The following UNC5B variants were observed in gnomAD, a reference collection of about 807,000 sequenced individuals.
UNC5B encodes the protein unc-5 netrin receptor B.
UNC5B carries 56 observed loss-of-function variants against 103.7 expected under a neutral mutation model. That is an observed-to-expected ratio of 0.54 (90% confidence interval 0.44 to 0.67). The LOEUF (loss-of-function observed/expected upper bound fraction) is 0.67. Among genes scored for constraint, UNC5B ranks in the 30% least tolerant of loss-of-function variants. The pLI, the probability that UNC5B is intolerant of heterozygous loss-of-function variation, is 0.00. For synonymous variants in UNC5B, 577 were observed against 542.0 expected (o/e 1.06, Z -0.90); for missense variants, 1,194 against 1,284.5 (o/e 0.93, Z 1.08).
intron 1 of UNC5B, among the ~76,000 whole-genome samples, chr10:71,277,396 T>C (rs1273927371): frequency 6.6e-6 from 1 of 152,244 alleles, no homozygotes. Context: ...GGCAGAGCTC[T>C]GTCCCACACC....
chr10:71,291,264 A>G (rs2132310562), intron 9 of UNC5B, among the ~76,000 whole-genome samples, 155 bp downstream of exon 9: 1 of 152,248 alleles, frequency 6.6e-6, no homozygotes, highest in South Asian at 2.1e-4. Flanking sequence ...GGATTAGAGA[A>G]CTACCGAGAA....
chr10:71,291,295 G>A (rs761202523), intron 9 of UNC5B, 137 bp from the exon 10 acceptor site: 39 of 1,404,234 alleles, frequency 2.8e-5, no homozygotes, highest in Admixed American at 1.1e-4. Context: ...GACCCAGGCT[G>A]CGGGATTCCC....
intron 1 of UNC5B, among the ~76,000 whole-genome samples, chr10:71,257,317 A>G (rs1844312892): frequency 1.3e-5 from 2 of 152,218 alleles, no homozygotes; most frequent in Non-Finnish European, 2.9e-5. Context: ...TCAAAGGGTA[A>G]GTGGGAGGTA....
At chr10:71,235,846 A>T (rs552708036) in intron 1 of UNC5B, among the ~76,000 whole-genome samples, 3 of 152,364 alleles carry the variant, frequency 2.0e-5, no homozygotes, top group East Asian at 1.9e-4. Context: ...ACCTGGTCGC[A>T]TCTGGGCCAT....
chr10:71,259,111 C>G (rs371895880), intron 1 of UNC5B, among the ~76,000 whole-genome samples: 2 of 152,158 alleles, frequency 1.3e-5, no homozygotes, highest in South Asian at 2.1e-4. Flanking sequence ...ATGACTGGGC[C>G]GGGTGCAGTG....
intron 1 of UNC5B, among the ~76,000 whole-genome samples, chr10:71,263,312 G>T (rs1270616485): frequency 6.6e-6 from 1 of 152,190 alleles, no homozygotes; most frequent in Admixed American, 6.5e-5. Context: ...TGTCCAAAGG[G>T]AGGCCCCTTC....
chr10:71,221,220 C>T (rs1051465389), intron 1 of UNC5B, among the ~76,000 whole-genome samples: 4 of 152,190 alleles, frequency 2.6e-5, no homozygotes, highest in Admixed American at 6.5e-5. Flanking sequence ...TAAGCATTTC[C>T]TGCTTCAGAA....
At chr10:71,293,340 C>T in intron 11 of UNC5B, 65 bp from the exon 12 acceptor site, 1 of 1,531,012 alleles carries the variant, frequency 6.5e-7, no homozygotes, top group Non-Finnish European at 8.8e-7. Flanking sequence ...CTTGGGAGCC[C>T]AGCAGGAGCC....
intron 1 of UNC5B, among the ~76,000 whole-genome samples, chr10:71,276,192 C>G (rs1318477629): frequency 6.6e-6 from 1 of 151,532 alleles, no homozygotes; most frequent in African/African-American, 2.4e-5. Flanking sequence ...AAAAAAATTA[C>G]TGAGGCACTA....
At chr10:71,222,843 C>G (rs1843478486) in intron 1 of UNC5B, among the ~76,000 whole-genome samples, 1 of 152,258 alleles carries the variant, frequency 6.6e-6, no homozygotes, top group African/African-American at 2.4e-5. Context: ...CAAAGGAAAG[C>G]AGCTCTGTAA....
At chr10:71,281,096 G>T (rs1844915045) in intron 2 of UNC5B, among the ~76,000 whole-genome samples, 1 of 151,456 alleles carries the variant, frequency 6.6e-6, no homozygotes, top group African/African-American at 2.4e-5. Context: ...TCCCTGACAT[G>T]CTGTCTCACT....
chr10:71,282,097 C>T (rs150151608), intron 2 of UNC5B, among the ~76,000 whole-genome samples: 268 of 152,372 alleles, frequency 1.8e-3, no homozygotes, highest in Middle Eastern at 6.8e-3. Context: ...TGCCACCAGG[C>T]ACACAGGCCC....
intron 2 of UNC5B, among the ~76,000 whole-genome samples, chr10:71,283,884 A>C (rs1210174922): frequency 6.6e-6 from 1 of 152,182 alleles, no homozygotes; most frequent in Non-Finnish European, 1.5e-5. Context: ...ACAGGGCCTG[A>C]GTAGTGACCA....
rs201631634 is a variant in UNC5B, at chr10:71,296,690, G to A, written c.2438G>A (p.Arg813Gln). ...STELTCKICV[R>Q]QVEGEGQIFQ... ...GAGCTCACCTGCAAGATCTGCGTGC[G>A]GCAAGTGGAAGGGGAGGGCCAGATA... Residue 813 changes from arginine (R) to glutamine (Q), a missense_variant, in exon 15 of 17, where the codon CGG becomes CAG. By Grantham distance (43) the Arg-to-Gln change is conservative. Coordinates refer to ENST00000335350, the MANE Select transcript of UNC5B (RefSeq NM_170744.5). 50 of 1,614,168 alleles carry A rather than the reference G, an allele frequency of 3.1e-5. No homozygotes were observed. Among genetic ancestry groups the A allele is most frequent in the East Asian group, 8.9e-5 (4 of 44,886 alleles).
rs1219393799 is a variant in UNC5B, at chr10:71,302,185, T to C, written c.*2908T>C. On this transcript the variant is annotated 3_prime_UTR_variant, in exon 17 of 17. Transcript: ENST00000335350. ...ACCCAAGAGGTAGCCCCCGAGGGCA[T>C]GTACCTGGTGGGAAGCAGCTCAGGT... The C allele has an allele frequency of 6.6e-6, 1 of 152,210 alleles. No individual in the cohort carries two copies. The highest frequency in any genetic ancestry group is 1.5e-5 in the Non-Finnish European group (1 of 68,056). The allele number at this position is 152,210 out of a possible 1,614,324, so 9.4% of individuals were successfully genotyped here. A position where few individuals can be genotyped will look rare whatever the true frequency, so the allele number is the denominator to read the frequency against.
At chr10:71,289,861 G>A (rs892149507) in intron 8 of UNC5B, among the ~76,000 whole-genome samples, 30 of 152,250 alleles carry the variant, frequency 2.0e-4, no homozygotes, top group African/African-American at 5.8e-4. Flanking sequence ...CCGGGGCTGG[G>A]AGCCATGCCC....
rs148443715 is a variant in UNC5B, at chr10:71,290,994, G to A, written c.1179G>A (p.Ala393=). The A allele has an allele frequency of 2.7e-5, 43 of 1,613,746 alleles. No homozygotes were observed. In the Middle Eastern group the frequency reaches 8.2e-4, roughly 31 times the overall value. ...AIFVVVAILM[A]VGVVVYRRNC... Reference sequence around the variant, plus strand: ...TCGTGGTCGTGGCAATCCTCATGGCGGTGGGGGTGGTGGTGTACCGCCGCA... The same window carrying A: ...TCGTGGTCGTGGCAATCCTCATGGCAGTGGGGGTGGTGGTGTACCGCCGCA... The change falls in exon 9 of 17, where the codon GCG becomes GCA. Residue 393 remains alanine (A), a synonymous_variant. Coordinates refer to ENST00000335350, the MANE Select transcript of UNC5B (RefSeq NM_170744.5).
At position 71,302,051 on chromosome 10, in the gene UNC5B, TC is replaced by T. The variant is rs1221668423; in HGVS notation, c.*2775del. Reference sequence around the variant, plus strand: ...ATTGGCTGGAGCCTCCTGGGAGGGTTCAAACCATCAGCTCTATGAGAAATGC... The same window carrying T: ...ATTGGCTGGAGCCTCCTGGGAGGGTTAAACCATCAGCTCTATGAGAAATGC... On this transcript the variant is annotated 3_prime_UTR_variant, in exon 17 of 17. Coordinates refer to ENST00000335350, the MANE Select transcript of UNC5B (RefSeq NM_170744.5). The T allele has an allele frequency of 1.3e-5, 2 of 152,180 alleles. No individual in the cohort carries two copies. Among genetic ancestry groups the T allele is most frequent in the East Asian group, 1.9e-4 (1 of 5,180 alleles). The allele number at this position is 152,180 out of a possible 1,614,324, so 9.4% of individuals were successfully genotyped here.
In UNC5B at chr10:71,279,876, G is replaced by A. The variant is rs767338352; in HGVS notation, c.135G>A (p.Glu45=). The A allele has an allele frequency of 1.2e-6, 2 of 1,613,938 alleles. No individual in the cohort carries two copies. The highest frequency in any genetic ancestry group is 1.7e-6 in the Non-Finnish European group (2 of 1,179,974). ...ACTCCTTCCCGTCAGCGCCAGCAGA[G>A]CCGCTGCCCTACTTCCTGCAGGAGC... ...LPDSFPSAPA[E]PLPYFLQEPQ... Residue 45 remains glutamate, a synonymous_variant, in exon 2 of 17, where the codon GAG becomes GAA. Coordinates refer to ENST00000335350, the MANE Select transcript of UNC5B (RefSeq NM_170744.5).
Sources: allele counts gnomAD v4.1 joint callset (sites outside exome capture counted in the v4.1 genomes callset), GRCh38; gene constraint gnomAD v4.1.1; transcripts MANE v1.5; gene names NCBI Gene and HGNC (gene_info 2026-07-23, HGNC 2026-07-21).